Variants in ZC3H3 observed in about 807,000 individuals in gnomAD.
ZC3H3 encodes zinc finger CCCH-type containing 3.
A neutral mutation model predicts 77.3 loss-of-function variants in ZC3H3; 36 were observed. That is an observed-to-expected ratio of 0.47 (90% CI 0.36 to 0.61). ZC3H3 has a LOEUF of 0.61. Ranked by LOEUF, ZC3H3 falls within the 20% of genes least tolerant of loss-of-function variation. The probability of loss-of-function intolerance (pLI) is 0.00; values close to 1 mark genes in which losing one functional copy is unlikely to be tolerated. For missense variants in ZC3H3, 1,331 were observed against 1,312.2 expected (o/e 1.01, Z -0.22); for synonymous variants, 626 against 555.2 (o/e 1.13, Z -1.79).
chr8:143,464,396 G>T (rs1470080065), intron 9 of ZC3H3, among the ~76,000 whole-genome samples: 2 of 152,254 alleles, frequency 1.3e-5, no homozygotes, highest in Admixed American at 1.3e-4. Flanking sequence ...TGCCTGCCAG[G>T]TTTCAGGTTG....
rs967418282 is a variant in ZC3H3, at chr8:143,494,554, C to T, written c.1715+13192G>A. Reference sequence around the variant, plus strand: ...AGGTCAGGGCCTCAGAGCACAGCGGCGCCGGCAGAACCCAGAGCGAGGGCC... The same window carrying T: ...AGGTCAGGGCCTCAGAGCACAGCGGTGCCGGCAGAACCCAGAGCGAGGGCC... On this transcript the variant is annotated intron_variant, in intron 4 of 11. Coordinates refer to ENST00000262577, the MANE Select transcript of ZC3H3 (RefSeq NM_015117.3). This position sits in a 1 kb window ranked among gnomAD's most constrained non-coding sequence, Gnocchi z 5.3. 1.3e-5 allele frequency among the ~76,000 whole-genome samples: 2 copies of T among 152,094 alleles called. No individual in the cohort carries two copies. The highest frequency in any genetic ancestry group is 2.9e-5 in the Non-Finnish European group (2 of 68,020).
intron 4 of ZC3H3, among the ~76,000 whole-genome samples, chr8:143,477,643 C>G (rs555879082): frequency 1.2e-3 from 176 of 152,308 alleles, no homozygotes; most frequent in Non-Finnish European, 1.7e-3. Flanking sequence ...GTTGGAGAAC[C>G]CCATCAGCCT....
intron 3 of ZC3H3, among the ~76,000 whole-genome samples, chr8:143,527,667 C>T (rs914609187): frequency 2.6e-5 from 4 of 152,298 alleles, no homozygotes; most frequent in African/African-American, 9.6e-5. Context: ...TCTAACTGCT[C>T]TCATGCCCTT....
intron 4 of ZC3H3, among the ~76,000 whole-genome samples, chr8:143,501,953 G>C (rs968156141): frequency 6.6e-6 from 1 of 152,252 alleles, no homozygotes; most frequent in East Asian, 1.9e-4. Context: ...GCGTGAGGAC[G>C]CAGGGCCTTC....
intron 9 of ZC3H3, among the ~76,000 whole-genome samples, chr8:143,461,613 CAAAG>C (rs1395599731): frequency 6.6e-6 from 1 of 152,088 alleles, no homozygotes; most frequent in Non-Finnish European, 1.5e-5. Context: ...CCCGAACGGA[CAAAG>C]AAAGTGTGGA....
chr8:143,512,709 C>T (rs541115578), intron 3 of ZC3H3, among the ~76,000 whole-genome samples: 19 of 152,366 alleles, frequency 1.2e-4, no homozygotes, highest in African/African-American at 4.3e-4. Context: ...GGGCCTCTTC[C>T]TCCGGCACTG....
intron 8 of ZC3H3, among the ~76,000 whole-genome samples, chr8:143,466,095 C>T (rs1001607525): frequency 2.6e-5 from 4 of 152,230 alleles, no homozygotes; most frequent in African/African-American, 9.6e-5. Context: ...AGCCCTGTAG[C>T]CCTGTGGCTC....
intron 3 of ZC3H3, among the ~76,000 whole-genome samples, chr8:143,531,954 T>C (rs142772424): frequency 1.8e-4 from 27 of 152,372 alleles, no homozygotes; most frequent in African/African-American, 6.3e-4. Context: ...TGAATAAAGC[T>C]TAATGTTGAT....
intron 3 of ZC3H3, among the ~76,000 whole-genome samples, chr8:143,515,272 C>T (rs768272497): frequency 1.3e-5 from 2 of 152,224 alleles, no homozygotes; most frequent in African/African-American, 2.4e-5. Context: ...CAGCCTGTGG[C>T]GCATACGCAC....
At chr8:143,445,049 T>C (rs1391600759) in intron 9 of ZC3H3, among the ~76,000 whole-genome samples, 2 of 152,342 alleles carry the variant, frequency 1.3e-5, no homozygotes, top group East Asian at 3.9e-4. Flanking sequence ...TTAAATATAC[T>C]ATTTATAGTA....
chr8:143,510,037 A>T (rs981688277), intron 3 of ZC3H3, among the ~76,000 whole-genome samples: 4 of 152,184 alleles, frequency 2.6e-5, no homozygotes, highest in African/African-American at 9.7e-5. Context: ...TGGGGCAGGC[A>T]GGGCCTGGCG....
At position 143,533,141 on chromosome 8, in the gene ZC3H3, C is replaced by A. The variant is rs1262246016; in HGVS notation, c.1561+3116G>T. Among the ~76,000 whole-genome samples the A allele has an allele frequency of 6.6e-6, 1 of 152,150 alleles. No homozygotes were observed. Among genetic ancestry groups the A allele is most frequent in the Non-Finnish European group, 1.5e-5 (1 of 68,018 alleles). On this transcript the variant is annotated intron_variant, in intron 3 of 11. Coordinates refer to ENST00000262577, the MANE Select transcript of ZC3H3 (RefSeq NM_015117.3). The surrounding 1 kb of genome is among the most constrained non-coding windows in gnomAD (Gnocchi z 4.0). Reference sequence around the variant, plus strand: ...GGCTTCCCAACGTAACCAGAACCAACCCCCCGTTCCCTCCTGTGGCCTACA... The same window carrying A: ...GGCTTCCCAACGTAACCAGAACCAAACCCCCGTTCCCTCCTGTGGCCTACA...
intron 3 of ZC3H3, among the ~76,000 whole-genome samples, chr8:143,535,483 G>A (rs34386820): frequency 1.3e-5 from 2 of 152,202 alleles, no homozygotes; most frequent in African/African-American, 4.8e-5. Context: ...CCCCAGAGTC[G>A]CACAGGACCA....
At chr8:143,439,166 GAGGCCC>G (rs1274508204) in intron 11 of ZC3H3, among the ~76,000 whole-genome samples, 1 of 151,966 alleles carries the variant, frequency 6.6e-6, no homozygotes, top group Admixed American at 6.5e-5. Flanking sequence ...CGACCCCAGA[GAGGCCC>G]ACCCAGATGG....
intron 4 of ZC3H3, among the ~76,000 whole-genome samples, chr8:143,492,437 C>T (rs1821233700): frequency 6.6e-6 from 1 of 152,178 alleles, no homozygotes; most frequent in Admixed American, 6.5e-5. Context: ...CACACTGGCC[C>T]TGAACCTCTG....
chr8:143,467,990 G>A (rs11786665), intron 8 of ZC3H3, among the ~76,000 whole-genome samples: 7,071 of 152,300 alleles, frequency 0.046, 203 homozygotes, highest in Non-Finnish European at 0.066. Context: ...TGTGCGTGGT[G>A]AGCAGAGACC....
intron 3 of ZC3H3, among the ~76,000 whole-genome samples, chr8:143,525,601 G>A (rs959720822): frequency 6.6e-6 from 1 of 152,206 alleles, no homozygotes; most frequent in Non-Finnish European, 1.5e-5. Context: ...ATGAGGACAC[G>A]GACCAGAGGC....
At chr8:143,520,438 G>A (rs886476028) in intron 3 of ZC3H3, among the ~76,000 whole-genome samples, 1 of 152,158 alleles carries the variant, frequency 6.6e-6, no homozygotes, top group African/African-American at 2.4e-5. Context: ...TGCCCACCCT[G>A]CGCCCCCACA....
At chr8:143,481,245 G>A (rs927867486) in intron 4 of ZC3H3, among the ~76,000 whole-genome samples, 3 of 152,194 alleles carry the variant, frequency 2.0e-5, no homozygotes, top group Non-Finnish European at 4.4e-5. Flanking sequence ...GCTACACAAA[G>A]GCCAACACAG....
Sources: gnomAD v4.1 joint callset for allele counts (sites outside exome capture counted in the v4.1 genomes callset) on GRCh38, gnomAD v4.1.1 for gene constraint, Gnocchi (gnomAD v3.1) non-coding constraint, MANE v1.5 for transcripts, NCBI Gene and HGNC (gene_info 2026-07-23, HGNC 2026-07-21) for gene names.